Variants in SPOCK1 observed in about 807,000 individuals in gnomAD.
The protein encoded by SPOCK1 is testican-1.
A neutral mutation model predicts 55.3 loss-of-function variants in SPOCK1; 23 were observed. The observed-to-expected ratio is 0.42, with a 90% confidence interval of 0.30 to 0.59. The LOEUF (loss-of-function observed/expected upper bound fraction) is 0.59, where lower values mean the gene tolerates loss of function less well. SPOCK1 is among the 20% of genes least tolerant of loss of function. SPOCK1 has a pLI of 0.22. For synonymous variants in SPOCK1, 226 were observed against 221.0 expected, an observed-to-expected ratio of 1.02 and a Z score of -0.20; for missense variants, 499 against 552.5, an observed-to-expected ratio of 0.90 and a Z score of 0.97.
At chr5:137,402,160 G>A (rs138160910) in intron 2 of SPOCK1, among the ~76,000 whole-genome samples, 10 of 152,252 alleles carry the variant, frequency 6.6e-5, no homozygotes, top group East Asian at 5.8e-4. Flanking sequence ...CAAACCTGTC[G>A]TGTCTTGAAG....
At chr5:137,312,641 T>A (rs1757809358) in intron 2 of SPOCK1, among the ~76,000 whole-genome samples, 1 of 152,134 alleles carries the variant, frequency 6.6e-6, no homozygotes, top group Non-Finnish European at 1.5e-5. Context: ...GTGGTTTAGG[T>A]TGGAATGTGT....
intron 6 of SPOCK1, among the ~76,000 whole-genome samples, chr5:137,019,736 T>C (rs1751530752): frequency 6.6e-6 from 1 of 152,058 alleles, no homozygotes; most frequent in African/African-American, 2.4e-5. Flanking sequence ...TAAAATATAC[T>C]GTACTTCAGA....
chr5:137,292,649 A>G (rs1195791186), intron 2 of SPOCK1, among the ~76,000 whole-genome samples: 2 of 152,146 alleles, frequency 1.3e-5, no homozygotes, highest in Admixed American at 6.5e-5. Flanking sequence ...AGCGTAATGC[A>G]CTGACGCATC....
rs1216325702 is a variant in SPOCK1, at chr5:137,496,390, C to T, written c.186+1983G>A. Among the ~76,000 whole-genome samples, 6 of 152,194 alleles carry T rather than the reference C, an allele frequency of 3.9e-5. No homozygotes were observed. In the East Asian group the frequency reaches 5.8e-4, roughly 15 times the overall value. ...CTAAGCAGGAATTCAGAATATCATG[C>T]TTATGATACACTGAGACTAGAAAAT... On this transcript the variant is annotated intron_variant, in intron 2 of 10. Transcript: ENST00000394945.
rs1750646477 is a variant in SPOCK1, at chr5:136,977,784, AGAG to A, written c.*867_*869del. On this transcript the variant is annotated 3_prime_UTR_variant, in exon 11 of 11. Transcript: ENST00000394945. ...GCTTTCAGTAACTCTGCTGATGCACAGAGAAGAGACTTCCTCAGCCTGCAGGCT... is the reference window on the plus strand; with the variant it reads ...GCTTTCAGTAACTCTGCTGATGCACAAAGAGACTTCCTCAGCCTGCAGGCT... 2 of 399,032 alleles carry A rather than the reference AGAG, an allele frequency of 5.0e-6. No homozygotes were observed. The highest frequency in any genetic ancestry group is 1.3e-3 in the Middle Eastern group (2 of 1,588). The allele number at this position is 399,032 out of a possible 1,614,324, so 24.7% of individuals were successfully genotyped here. A position where few individuals can be genotyped will look rare whatever the true frequency, so the allele number is the denominator to read the frequency against.
chr5:137,272,031 G>T (rs927267965), intron 2 of SPOCK1, among the ~76,000 whole-genome samples: 4 of 152,178 alleles, frequency 2.6e-5, no homozygotes, highest in African/African-American at 9.7e-5. Flanking sequence ...TAAAAGGAGG[G>T]CAGGTAGTCA....
intron 5 of SPOCK1, among the ~76,000 whole-genome samples, chr5:137,092,364 G>A (rs1179810491): frequency 6.6e-6 from 1 of 152,238 alleles, no homozygotes; most frequent in Non-Finnish European, 1.5e-5. Context: ...CCGAGGGGCT[G>A]AGATTTACAG....
chr5:137,274,387 G>T (rs1339189945), intron 2 of SPOCK1, among the ~76,000 whole-genome samples: 1 of 152,216 alleles, frequency 6.6e-6, no homozygotes, highest in Admixed American at 6.5e-5. Flanking sequence ...GCACTCACCA[G>T]CTATGTGGCC....
In SPOCK1 at chr5:137,046,827, T is replaced by C. The variant is rs1423681449; in HGVS notation, c.589+20888A>G. On this transcript the variant is annotated intron_variant, in intron 6 of 10. Transcript: ENST00000394945. The stretch of plus-strand genomic sequence containing the variant: ...AAATACGTCCCATCAATACCTAATT[T>C]ATTGACAGTTTTTAGCATGAAGCGT... Among the ~76,000 whole-genome samples, 2 of 29,940 alleles carry C rather than the reference T, an allele frequency of 6.7e-5. 1 individual carries two copies. The highest frequency in any genetic ancestry group is 1.5e-4 in the African/African-American group (2 of 13,686). 19.6% of individuals were successfully genotyped at this position (29,940 alleles called of 152,430 possible). A position where few individuals can be genotyped will look rare whatever the true frequency, so the allele number is the denominator to read the frequency against.
rs537074821 is a variant in SPOCK1, at chr5:137,104,786, G to A, written c.474+7649C>T. 1.4e-4 allele frequency among the ~76,000 whole-genome samples: 21 copies of A among 152,142 alleles called. 1 individual carries two copies. Among genetic ancestry groups the A allele is most frequent in the African/African-American group, 4.1e-4 (17 of 41,520 alleles). On this transcript the variant is annotated intron_variant, in intron 5 of 10. Transcript: ENST00000394945. ...GTAGGAAAACAAGCTCGGGGCTCCCGCTGATGCTACACTATGGTGAGTTGT... is the reference window on the plus strand; with the variant it reads ...GTAGGAAAACAAGCTCGGGGCTCCCACTGATGCTACACTATGGTGAGTTGT...
rs1030106274 is a variant in SPOCK1, at chr5:136,978,450, A to C, written c.*204T>G. ...CCAAAAAATAAACAACAACAAAAAA[A>C]AAACACAACACCCTTTCTCCCATAC... On this transcript the variant is annotated 3_prime_UTR_variant, in exon 11 of 11. Transcript: ENST00000394945. 8.9e-6 allele frequency: 4 copies of C among 447,988 alleles called. No individual in the cohort carries two copies. The highest frequency in any genetic ancestry group is 1.1e-5 in the Non-Finnish European group (3 of 264,504). The allele number at this position is 447,988 out of a possible 1,614,324, so 27.8% of individuals were successfully genotyped here. A position where few individuals can be genotyped will look rare whatever the true frequency, so the allele number is the denominator to read the frequency against.
chr5:137,492,257 G>A (rs1177579958), intron 2 of SPOCK1, among the ~76,000 whole-genome samples: 1 of 152,212 alleles, frequency 6.6e-6, no homozygotes, highest in Non-Finnish European at 1.5e-5. Context: ...GATTGACGGA[G>A]GAATGGGTGC....
At chr5:137,176,561 T>G (rs925762994) in intron 3 of SPOCK1, among the ~76,000 whole-genome samples, 2 of 151,934 alleles carry the variant, frequency 1.3e-5, no homozygotes, top group Non-Finnish European at 2.9e-5. Context: ...CGTATGTATA[T>G]TTACCTTACT....
At chr5:137,469,684 G>A (rs183338252) in intron 2 of SPOCK1, among the ~76,000 whole-genome samples, 2 of 152,240 alleles carry the variant, frequency 1.3e-5, no homozygotes, top group Non-Finnish European at 1.5e-5. Flanking sequence ...TCAGTGCAAC[G>A]TACTTTGGAA....
At chr5:137,447,613 C>T (rs879773465) in intron 2 of SPOCK1, among the ~76,000 whole-genome samples, 2 of 34,276 alleles carry the variant, frequency 5.8e-5, no homozygotes, top group South Asian at 1.8e-3. Flanking sequence ...ATTCCCCCCC[C>T]CAATATATGA....
intron 3 of SPOCK1, among the ~76,000 whole-genome samples, chr5:137,179,311 A>T (rs1754921946): frequency 6.6e-6 from 1 of 152,156 alleles, no homozygotes; most frequent in African/African-American, 2.4e-5. Flanking sequence ...CTCTGAGGGC[A>T]TTTGATTTCA....
At chr5:137,050,542 G>A (rs1241972004) in intron 6 of SPOCK1, among the ~76,000 whole-genome samples, 4 of 151,388 alleles carry the variant, frequency 2.6e-5, no homozygotes, top group Non-Finnish European at 5.9e-5. Context: ...CCACTGTCTG[G>A]CACTCCCTAG....
In SPOCK1 at chr5:137,133,400, G is replaced by A. The variant is rs13153050; in HGVS notation, c.347+7180C>T. On this transcript the variant is annotated intron_variant, in intron 4 of 10. Coordinates refer to ENST00000394945, the MANE Select transcript of SPOCK1 (RefSeq NM_004598.4). ...AAAAAAAAAAAATTGTATTTGTAAA[G>A]GGGGACCCCCAGCCTAGCGAATTTG... Among the ~76,000 whole-genome samples the A allele has an allele frequency of 2.0e-5, 3 of 151,544 alleles. No individual in the cohort carries two copies. The East Asian group carries it at 5.8e-4, about 29-fold the overall frequency.
rs114578601 is a variant in SPOCK1, at chr5:137,427,247, T to C, written c.186+71126A>G. ...ATTTCTCTCCTATAGCAGCTAGTAT[T>C]ATCTTTACTAAAAGCACTGTGTTCA... is the stretch of plus-strand genomic sequence containing the variant. On this transcript the variant is annotated intron_variant, in intron 2 of 10. Transcript: ENST00000394945. Among the ~76,000 whole-genome samples the C allele has an allele frequency of 8.5e-4, 129 of 152,270 alleles. 1 individual carries two copies. The highest frequency in any genetic ancestry group is 3.0e-3 in the African/African-American group (126 of 41,554).
Sources: gnomAD v4.1 joint callset for allele counts (sites outside exome capture counted in the v4.1 genomes callset) on GRCh38, gnomAD v4.1.1 for gene constraint, MANE v1.5 for transcripts, NCBI Gene and HGNC (gene_info 2026-07-23, HGNC 2026-07-21) for gene names.